BRPF3: variants seen among roughly 807,000 people sequenced by gnomAD.
BRPF3 encodes bromodomain and PHD finger-containing protein 3.
In BRPF3, 18 loss-of-function variants were observed where a neutral mutation model predicts 102.0. The ratio of observed to expected loss-of-function variants is 0.18; its 90% CI spans 0.12 to 0.26. BRPF3 has a LOEUF of 0.26. Among genes scored for constraint, BRPF3 ranks in the 10% least tolerant of loss-of-function variants. The pLI is 1.00. For missense variants in BRPF3, 1,147 were observed against 1,567.8 expected (o/e 0.73, Z 4.53); for synonymous variants, 570 against 614.2 (o/e 0.93, Z 1.06).
At chr6:36,229,549 C>G (rs1768863343) in intron 12 of BRPF3, among the ~76,000 whole-genome samples, 1 of 152,196 alleles carries the variant, frequency 6.6e-6, no homozygotes, top group Admixed American at 6.5e-5. Flanking sequence ...CTGTGAGCTT[C>G]CAGCACTTCC....
rs1768220859 is a variant in BRPF3, at chr6:36,213,865, C to CT, written c.2483-8dup. ...TTTCTAAAATGTTCAAGCAGATTCTCTTTTTTTCTAATAGATGACTCCAAA... is the reference window on the plus strand; with the variant it reads ...TTTCTAAAATGTTCAAGCAGATTCTCTTTTTTTTCTAATAGATGACTCCAAA... On this transcript the variant is annotated splice_polypyrimidine_tract_variant and intron_variant, in intron 7 of 12. Coordinates refer to ENST00000357641, the MANE Select transcript of BRPF3 (RefSeq NM_015695.3). 6.4e-7 allele frequency: 1 copy of CT among 1,570,826 alleles called. No individual in the cohort carries two copies. The highest frequency in any genetic ancestry group is 2.2e-5 in the East Asian group (1 of 44,468).
intron 1 of BRPF3, among the ~76,000 whole-genome samples, chr6:36,198,759 A>T (rs1444376787): frequency 6.6e-6 from 1 of 152,114 alleles, no homozygotes; most frequent in Admixed American, 6.5e-5. Context: ...TGCCCACACC[A>T]TGGGGCCCTG....
rs544704521 is a variant in BRPF3, at chr6:36,230,372, G to A, written c.3435-54G>A. On this transcript the variant is annotated intron_variant, in intron 12 of 12. Coordinates refer to ENST00000357641, the MANE Select transcript of BRPF3 (RefSeq NM_015695.3). The surrounding 1 kb of genome is among the most constrained non-coding windows in gnomAD (Gnocchi z 5.4). ...TGGCCAAGTGGGGCCACAGGAGCCC[G>A]AGCCCCCTGTGAGACCCACTACTGC... 1.8e-4 allele frequency: 290 copies of A among 1,569,346 alleles called. 2 individuals carry two copies. The highest frequency in any genetic ancestry group is 6.8e-4 in the Middle Eastern group (4 of 5,880).
Position 36,211,493 on chromosome 6 carries a change from G to T in BRPF3, c.2415G>T (p.Gly805=). ...TATCCAATGGGGAGCTGCCAGCAGGGCCCCAGGGGGATGCAGCTGTGCTGG... is the reference window on the plus strand; with the variant it reads ...TATCCAATGGGGAGCTGCCAGCAGGTCCCCAGGGGGATGCAGCTGTGCTGG... ...KTVSNGELPA[G]PQGDAAVLEQ... Residue 805 remains glycine, a synonymous_variant, in exon 7 of 13, where the codon GGG becomes GGT. Coordinates refer to ENST00000357641, the MANE Select transcript of BRPF3 (RefSeq NM_015695.3). 1 of 1,574,196 alleles carries T rather than the reference G, an allele frequency of 6.4e-7. No individual in the cohort carries two copies. The highest frequency in any genetic ancestry group is 8.6e-7 in the Non-Finnish European group (1 of 1,159,576).
chr6:36,199,901 A>G (rs1407730896), intron 1 of BRPF3, among the ~76,000 whole-genome samples: 1 of 152,226 alleles, frequency 6.6e-6, no homozygotes, highest in Non-Finnish European at 1.5e-5. Context: ...TGCAGCAGTG[A>G]ACAAGACAAA....
In BRPF3 at chr6:36,210,237, A is replaced by G. The variant is rs1169464362; in HGVS notation, c.1888A>G (p.Ile630Val). 6.2e-7 allele frequency: 1 copy of G among 1,614,248 alleles called. No homozygotes were observed. The highest frequency in any genetic ancestry group is 1.3e-5 in the African/African-American group (1 of 75,056). The change falls in exon 6 of 13, where the codon ATA (isoleucine) becomes GTA (valine). Residue 630 changes from isoleucine (I) to valine (V), a missense_variant. Ile to Val is a conservative substitution (Grantham distance 29). Transcript: ENST00000357641. This position sits in a 1 kb window ranked among gnomAD's most constrained non-coding sequence, Gnocchi z 4.7. ...TTAGGTTCCAGATTACCTGGAATTC[A>G]TATCCAAGCCAATGGATTTTTCTAC... ...LSEVPDYLEF[I>V]SKPMDFSTMR...
chr6:36,203,502 G>A lies in BRPF3; in HGVS notation c.1449-1156G>A, dbSNP rs753394634. Among the ~76,000 whole-genome samples, 4 of 152,320 alleles carry A rather than the reference G, an allele frequency of 2.6e-5. No individual in the cohort carries two copies. In the East Asian group the frequency reaches 7.7e-4, roughly 29 times the overall value. On this transcript the variant is annotated intron_variant, in intron 2 of 12. Coordinates refer to ENST00000357641, the MANE Select transcript of BRPF3 (RefSeq NM_015695.3). ...GAGGGTGCTGCCTACATCTGGGCAGGTGTGCTTGGCATGGACATTGGTCGG... is the reference window on the plus strand; with the variant it reads ...GAGGGTGCTGCCTACATCTGGGCAGATGTGCTTGGCATGGACATTGGTCGG...
rs1047654622 is a variant in BRPF3 at position 36,232,354 on chromosome 6, G to C, written c.*1745G>C. ...TCCCCTCTCCCCAGGTAGTTGGTCAGCTGTGGACTCTGTGACCTTTGTCTA... is the reference window on the plus strand; with the variant it reads ...TCCCCTCTCCCCAGGTAGTTGGTCACCTGTGGACTCTGTGACCTTTGTCTA... On this transcript the variant is annotated 3_prime_UTR_variant, in exon 13 of 13. Transcript: ENST00000357641. 2 of 152,308 alleles carry C rather than the reference G, an allele frequency of 1.3e-5. No individual in the cohort carries two copies. Among genetic ancestry groups the C allele is most frequent in the Non-Finnish European group, 2.9e-5 (2 of 68,048 alleles). The allele number at this position is 152,308 out of a possible 1,614,324, so 9.4% of individuals were successfully genotyped here.
chr6:36,228,810 T>C, intron 11 of BRPF3, 92 bp from the exon 12 acceptor site: 1 of 1,437,596 alleles, frequency 7.0e-7, no homozygotes, highest in South Asian at 1.2e-5. Flanking sequence ...GATACTCCCC[T>C]GGTGTGGGTG....
At chr6:36,216,841 C>T (rs1379112177) in intron 8 of BRPF3, among the ~76,000 whole-genome samples, 5 of 152,148 alleles carry the variant, frequency 3.3e-5, no homozygotes, top group Non-Finnish European at 5.9e-5. Context: ...GAGCTCGAGA[C>T]CAGCCTGAGC....
Position 36,200,861 on chromosome 6 carries a change from C to T in BRPF3, c.539C>T (p.Ser180Phe). ...KRRVDGHSLVSADTFELLVDR... is the reference protein window; with the variant it reads ...KRRVDGHSLVFADTFELLVDR... ...CGAGTAGATGGGCACAGTTTGGTGTCTGCAGATACCTTTGAGCTGCTGGTA... is the reference window on the plus strand; with the variant it reads ...CGAGTAGATGGGCACAGTTTGGTGTTTGCAGATACCTTTGAGCTGCTGGTA... The change falls in exon 2 of 13, where the codon TCT (serine) becomes TTT (phenylalanine). Residue 180 changes from serine (S) to phenylalanine (F), a missense_variant. Transcript: ENST00000357641. This position sits in a 1 kb window ranked among gnomAD's most constrained non-coding sequence, Gnocchi z 5.3. 1 of 1,614,198 alleles carries T rather than the reference C, an allele frequency of 6.2e-7. No homozygotes were observed. Among genetic ancestry groups the T allele is most frequent in the Non-Finnish European group, 8.5e-7 (1 of 1,180,030 alleles).
At chr6:36,211,094 C>G in intron 6 of BRPF3, 164 bp from the exon 7 acceptor site, 1 of 759,122 alleles carries the variant, frequency 1.3e-6, no homozygotes, top group African/African-American at 1.8e-5. Context: ...TGGCTGCCTT[C>G]TGGGCAGTGG....
chr6:36,222,662 T>C (rs1581986514), intron 10 of BRPF3, among the ~76,000 whole-genome samples: 1 of 152,310 alleles, frequency 6.6e-6, no homozygotes, highest in South Asian at 2.1e-4. Flanking sequence ...TATGCACATG[T>C]TCCTCTAAAC....
intron 1 of BRPF3, chr6:36,197,213 G>C (rs1004810991): frequency 4.0e-5 from 6 of 151,210 alleles, no homozygotes; most frequent in African/African-American, 1.5e-4. Flanking sequence ...CCCAGCCCTG[G>C]ATTCCGAGCC....
At chr6:36,229,184 C>A (rs1464746574) in intron 12 of BRPF3, 128 bp downstream of exon 12, 16 of 1,191,776 alleles carry the variant, frequency 1.3e-5, no homozygotes, top group Non-Finnish European at 1.7e-5. Context: ...TTGCCAGCAA[C>A]AGGCCTGCAC....
In BRPF3 at chr6:36,222,242, G is replaced by A; in HGVS notation, c.3158G>A (p.Gly1053Glu). 2.6e-6 allele frequency: 4 copies of A among 1,550,080 alleles called. No homozygotes were observed. Among genetic ancestry groups the A allele is most frequent in the Non-Finnish European group, 3.5e-6 (4 of 1,147,124 alleles). ...SRVPFLEGVN[G>E]DSDYNGSGRS... ...GTGCCCTTCCTGGAAGGTGTGAACG[G>A]AGACTCTGACTACAATGGCTCAGGT... The change falls in exon 10 of 13, where the codon GGA (glycine) becomes GAA (glutamate). Residue 1053 changes from glycine (G) to glutamate (E), a missense_variant. Physicochemically the swap from Gly to Glu is moderately conservative, Grantham distance 98 (BLOSUM62 -2). Around this residue, in one of 11 missense-constraint regions of BRPF3, gnomAD observed 379 missense variants for 426.3 expected, o/e 0.89. Transcript: ENST00000357641.
Position 36,211,181 on chromosome 6 carries a change from G to A in BRPF3, c.2180-77G>A, listed in dbSNP as rs769974167. 69 of 1,461,138 alleles carry A rather than the reference G, an allele frequency of 4.7e-5. No homozygotes were observed. In the African/African-American group the frequency reaches 5.8e-4, roughly 12 times the overall value. The allele number at this position is 1,461,138 out of a possible 1,614,324, so 90.5% of individuals were successfully genotyped here. On this transcript the variant is annotated intron_variant, in intron 6 of 12. Coordinates refer to ENST00000357641, the MANE Select transcript of BRPF3 (RefSeq NM_015695.3). The stretch of plus-strand genomic sequence containing the variant: ...CATTCCAAGAGAGAGTTTTGCATCC[G>A]AAGGATTCGGCCCCTTTCTCTTGCC...
chr6:36,214,476 C>G (rs1768256807), intron 8 of BRPF3, 90 bp downstream of exon 8: 1 of 1,410,238 alleles, frequency 7.1e-7, no homozygotes, highest in Non-Finnish European at 9.4e-7. Flanking sequence ...GGCCATCTCT[C>G]TAATGGCACC....
At chr6:36,205,562 A>G (rs1767875025) in intron 3 of BRPF3, among the ~76,000 whole-genome samples, 2 of 152,138 alleles carry the variant, frequency 1.3e-5, no homozygotes, top group Non-Finnish European at 2.9e-5. Context: ...AACATCAGCT[A>G]CCTTCTCCCA....
Sources: allele counts gnomAD v4.1 joint callset (sites outside exome capture counted in the v4.1 genomes callset), GRCh38; gene constraint gnomAD v4.1.1; regional missense constraint gnomAD v4.1.1; non-coding constraint Gnocchi (gnomAD v3.1); transcripts MANE v1.5; gene names NCBI Gene and HGNC (gene_info 2026-07-23, HGNC 2026-07-21).